TMEM178B: variants seen among roughly 807,000 people sequenced by gnomAD.
TMEM178B encodes the protein transmembrane protein 178B.
Under a neutral mutation model 31.0 loss-of-function variants are expected in TMEM178B, and 5 were observed. The observed-to-expected ratio is 0.16, with a 90% CI of 0.08 to 0.34. The LOEUF (loss-of-function observed/expected upper bound fraction) is 0.34, where lower values mean the gene tolerates loss of function less well. Among genes scored for constraint, TMEM178B ranks in the 10% least tolerant of loss-of-function variants. TMEM178B has a pLI of 1.00. For synonymous variants in TMEM178B, 164 were observed against 164.0 expected, an observed-to-expected ratio of 1.00 and a Z score of 0.00; for missense variants, 275 against 400.3, an observed-to-expected ratio of 0.69 and a Z score of 2.67.
At chr7:141,482,998 G>T (rs1269343382), downstream of TMEM178B, among the ~76,000 whole-genome samples, 2 of 152,116 alleles carry the variant, frequency 1.3e-5, no homozygotes, top group Non-Finnish European at 2.9e-5. Flanking sequence ...CTCCAGCCCT[G>T]TCAGAGGTCA....
chr7:141,360,027 G>A (rs555726400), intron 2 of TMEM178B, among the ~76,000 whole-genome samples: 6 of 152,208 alleles, frequency 3.9e-5, no homozygotes, highest in East Asian at 3.9e-4. Context: ...ATCTCCCACC[G>A]GGTTCCTCCC....
chr7:141,168,600 C>T (rs1465984398), intron 1 of TMEM178B, among the ~76,000 whole-genome samples: 2 of 151,974 alleles, frequency 1.3e-5, no homozygotes, highest in African/African-American at 2.4e-5. Flanking sequence ...GGTGAAATCC[C>T]ATCTCTACTA....
At chr7:141,314,791 G>C (rs1586886994) in intron 2 of TMEM178B, among the ~76,000 whole-genome samples, 1 of 152,022 alleles carries the variant, frequency 6.6e-6, no homozygotes, top group East Asian at 1.9e-4. Context: ...CTTCATTGCA[G>C]ACTCTCCTCC....
chr7:141,457,090 G>C (rs970752445), intron 3 of TMEM178B, among the ~76,000 whole-genome samples: 1 of 152,084 alleles, frequency 6.6e-6, no homozygotes, highest in African/African-American at 2.4e-5. Context: ...TTCACGGGGA[G>C]CATGAAATAT....
intron 1 of TMEM178B, among the ~76,000 whole-genome samples, chr7:141,185,002 T>C (rs1213461672): frequency 1.3e-5 from 2 of 152,170 alleles, no homozygotes; most frequent in African/African-American, 2.4e-5. Context: ...CTCAGCGCAG[T>C]TGAAACGGGA....
At chr7:141,097,920 T>C (rs1423406092) in intron 1 of TMEM178B, among the ~76,000 whole-genome samples, 1 of 151,266 alleles carries the variant, frequency 6.6e-6, no homozygotes, top group African/African-American at 2.4e-5. Context: ...GCCCACCAAG[T>C]AGCTGGGACT....
intron 2 of TMEM178B, among the ~76,000 whole-genome samples, chr7:141,255,663 G>A (rs192437052): frequency 1.5e-4 from 22 of 151,368 alleles, no homozygotes; most frequent in Admixed American, 8.5e-4. Context: ...TTTTTTCAGG[G>A]TGAGTAAAAA....
intron 1 of TMEM178B, among the ~76,000 whole-genome samples, chr7:141,180,480 A>G (rs868409736): frequency 7.9e-4 from 120 of 151,052 alleles, no homozygotes; most frequent in Middle Eastern, 3.4e-3. Flanking sequence ...AAAAAAAAAA[A>G]AAAGAAAGAA....
chr7:141,138,978 C>G (rs568651797), intron 1 of TMEM178B, among the ~76,000 whole-genome samples: 81 of 149,844 alleles, frequency 5.4e-4, no homozygotes, highest in African/African-American at 1.8e-3. Context: ...AGTGAGACTC[C>G]ATGTCAAAAA....
chr7:141,482,115 G>T (rs575115542), downstream of TMEM178B, among the ~76,000 whole-genome samples: 23 of 152,304 alleles, frequency 1.5e-4, no homozygotes, highest in Admixed American at 1.4e-3. Flanking sequence ...GCAGCCCACA[G>T]AGTTTAGCAG....
At chr7:141,101,247 C>T (rs911733852) in intron 1 of TMEM178B, among the ~76,000 whole-genome samples, 10 of 152,186 alleles carry the variant, frequency 6.6e-5, no homozygotes, top group African/African-American at 1.9e-4. Context: ...AAATCTGTTG[C>T]TTGTTGTCTA....
intron 1 of TMEM178B, among the ~76,000 whole-genome samples, chr7:141,211,034 C>T (rs577836647): frequency 2.0e-5 from 3 of 152,004 alleles, no homozygotes; most frequent in South Asian, 2.1e-4. Flanking sequence ...GAAATTAGAG[C>T]GTGTGGGGTT....
At chr7:141,178,395 T>C (rs1200270861) in intron 1 of TMEM178B, among the ~76,000 whole-genome samples, 1 of 152,242 alleles carries the variant, frequency 6.6e-6, no homozygotes, top group African/African-American at 2.4e-5. Context: ...AGAAGCGTTT[T>C]AGCACTATCC....
At chr7:141,150,886 T>C (rs1370693657) in intron 1 of TMEM178B, among the ~76,000 whole-genome samples, 1 of 151,988 alleles carries the variant, frequency 6.6e-6, no homozygotes, top group African/African-American at 2.4e-5. Flanking sequence ...AGCAGGATAA[T>C]ATGGAAGAAA....
chr7:141,265,930 TA>T (rs1798088389), intron 2 of TMEM178B, among the ~76,000 whole-genome samples: 1 of 152,190 alleles, frequency 6.6e-6, no homozygotes. Flanking sequence ...GGCTCTTTAC[TA>T]GTTGGGCTGG....
chr7:141,291,927 T>A (rs1396384425), intron 2 of TMEM178B, among the ~76,000 whole-genome samples: 1 of 5,062 alleles, frequency 2.0e-4, no homozygotes, highest in Non-Finnish European at 3.7e-4. Flanking sequence ...ATAGAGATCA[T>A]TTTTTTTTTT....
At chr7:141,315,768 G>C (rs954073252) in intron 2 of TMEM178B, among the ~76,000 whole-genome samples, 2 of 152,158 alleles carry the variant, frequency 1.3e-5, no homozygotes, top group Non-Finnish European at 2.9e-5. Flanking sequence ...ATGTGGAGTT[G>C]CTTGGCACTA....
At position 141,074,195 on chromosome 7, in the gene TMEM178B, G is replaced by C; in HGVS notation, c.-116G>C. 1 of 1,368,172 alleles carries C rather than the reference G, an allele frequency of 7.3e-7. No homozygotes were observed. The highest frequency in any genetic ancestry group is 9.5e-7 in the Non-Finnish European group (1 of 1,053,336). 84.8% of individuals were successfully genotyped at this position (1,368,172 alleles called of 1,614,324 possible). A position where few individuals can be genotyped will look rare whatever the true frequency, so the allele number is the denominator to read the frequency against. On this transcript the variant is annotated 5_prime_UTR_variant, in exon 1 of 4. Transcript: ENST00000565468. The surrounding 1 kb of genome is among the most constrained non-coding windows in gnomAD (Gnocchi z 5.1). ...GGGGGCCGAGGGGGCGCCGCGGCGCGAGTCCCTCTCCTGCCCCCTCCCCCA... is the reference window on the plus strand; with the variant it reads ...GGGGGCCGAGGGGGCGCCGCGGCGCCAGTCCCTCTCCTGCCCCCTCCCCCA...
At chr7:141,106,492 G>C (rs1359401669) in intron 1 of TMEM178B, among the ~76,000 whole-genome samples, 1 of 152,216 alleles carries the variant, frequency 6.6e-6, no homozygotes, top group African/African-American at 2.4e-5. Flanking sequence ...TCCCCTAGGA[G>C]TACAAGCTCA....
Sources: gnomAD v4.1 joint callset for allele counts (sites outside exome capture counted in the v4.1 genomes callset) on GRCh38, gnomAD v4.1.1 for gene constraint, Gnocchi (gnomAD v3.1) non-coding constraint, MANE v1.5 for transcripts, NCBI Gene and HGNC (gene_info 2026-07-23, HGNC 2026-07-21) for gene names.